Variants in BHLHE22 observed in about 807,000 individuals in gnomAD.
The protein encoded by BHLHE22 is class E basic helix-loop-helix protein 22.
BHLHE22 carries 8 observed loss-of-function variants against 17.6 expected under a neutral mutation model. That is an observed-to-expected ratio of 0.45 (90% CI 0.27 to 0.82). BHLHE22 has a LOEUF of 0.82. Among genes scored for constraint, BHLHE22 ranks in the 40% least tolerant of loss-of-function variants. The pLI is 0.16. For missense variants in BHLHE22, 570 were observed against 581.5 expected (o/e 0.98, Z 0.20); for synonymous variants, 353 against 282.7 (o/e 1.25, Z -2.49).
Position 64,583,594 on chromosome 8 carries a change from CAG to C in BHLHE22, c.*1660_*1661del, listed in dbSNP as rs751719843. 3.1e-4 allele frequency: 51 copies of C among 167,106 alleles called. No individual in the cohort carries two copies. The highest frequency in any genetic ancestry group is 5.0e-4 in the Non-Finnish European group (34 of 68,094). The allele number at this position is 167,106 out of a possible 1,614,324, so 10.4% of individuals were successfully genotyped here. ...CGACCATTTGTATGTGTATCTATGT[CAG>C]AAAGAATCTTTATTAAAATATTTTG... On this transcript the variant is annotated 3_prime_UTR_variant, in exon 1 of 1. Transcript: ENST00000321870.
chr8:64,581,439 GGCGGTA>G lies in BHLHE22; in HGVS notation c.660_665del (p.Ser223_Gly224del), dbSNP rs748656496. The G allele has an allele frequency of 3.8e-4, 555 of 1,445,690 alleles. 1 individual carries two copies. In the Middle Eastern group the frequency reaches 3.9e-3, roughly 10 times the overall value. The allele number at this position is 1,445,690 out of a possible 1,614,324, so 89.6% of individuals were successfully genotyped here. A position where few individuals can be genotyped will look rare whatever the true frequency, so the allele number is the denominator to read the frequency against. ...CAGCAGCGGTAGCAGTGGCGGCGGT[GGCGGTA>G]GCGGTAGCGGCAGCGGCGGCAGCAG... On this transcript the variant is annotated inframe_deletion, in exon 1 of 1. Transcript: ENST00000321870. This position sits in a 1 kb window ranked among gnomAD's most constrained non-coding sequence, Gnocchi z 6.4.
Position 64,582,806 on chromosome 8 carries a change from C to T in BHLHE22, c.*870C>T, listed in dbSNP as rs1234455020. ...TTATGTGCAGATTTTTTTAATGCCT[C>T]TAAAATTGTTTTATAGATTACTTAT... is the stretch of plus-strand genomic sequence containing the variant. On this transcript the variant is annotated 3_prime_UTR_variant, in exon 1 of 1. Transcript: ENST00000321870. The T allele has an allele frequency of 1.2e-5, 2 of 166,896 alleles. No individual in the cohort carries two copies. Among genetic ancestry groups the T allele is most frequent in the African/African-American group, 4.8e-5 (2 of 41,394 alleles). 10.3% of individuals were successfully genotyped at this position (166,896 alleles called of 1,614,324 possible).
Position 64,581,868 on chromosome 8 carries a change from C to T in BHLHE22, c.1078C>T (p.Pro360Ser). 6.2e-7 allele frequency: 1 copy of T among 1,609,182 alleles called. No individual in the cohort carries two copies. Among genetic ancestry groups the T allele is most frequent in the Non-Finnish European group, 8.5e-7 (1 of 1,179,542 alleles). The part of the protein sequence containing the change: ...SAGLPPAASC[P>S]EKCALFNSVS... The stretch of plus-strand genomic sequence containing the variant: ...CGGACTGCCCCCGGCTGCCTCCTGC[C>T]CGGAGAAGTGCGCCCTGTTTAACAG... Residue 360 changes from proline (P) to serine (S), a missense_variant, in exon 1 of 1, where the codon CCG (proline) becomes TCG (serine). By Grantham distance (74) the Pro-to-Ser change is moderately conservative (BLOSUM62 -1). Transcript: ENST00000321870. This position sits in a 1 kb window ranked among gnomAD's most constrained non-coding sequence, Gnocchi z 6.4.
rs1034731598 is a variant in BHLHE22, at chr8:64,581,011, G to C, written c.221G>C (p.Gly74Ala). 5 of 1,331,364 alleles carry C rather than the reference G, an allele frequency of 3.8e-6. No individual in the cohort carries two copies. The highest frequency in any genetic ancestry group is 4.0e-5 in the Admixed American group (1 of 25,066). The allele number at this position is 1,331,364 out of a possible 1,614,324, so 82.5% of individuals were successfully genotyped here. ...GAGCCGGCTGACCCCGAGGGGGCAG[G>C]GCTGCTGTTGCCGCCGCCTGGAGGA... is the stretch of plus-strand genomic sequence containing the variant. ...CFEPADPEGAGLLLPPPGGGG... is the reference protein window; with the variant it reads ...CFEPADPEGAALLLPPPGGGG... Residue 74 changes from glycine to alanine, a missense_variant, in exon 1 of 1, where the codon GGG (glycine) becomes GCG (alanine). By Grantham distance (60) the Gly-to-Ala change is moderately conservative (BLOSUM62 0). Coordinates refer to ENST00000321870, the MANE Select transcript of BHLHE22 (RefSeq NM_152414.5). The surrounding 1 kb of genome is among the most constrained non-coding windows in gnomAD (Gnocchi z 6.4).
At position 64,581,060 on chromosome 8, in the gene BHLHE22, T is replaced by TGGC. The variant is rs544639534; in HGVS notation, c.288_290dup (p.Gly97dup). The stretch of plus-strand genomic sequence containing the variant: ...GAGGCGGCGGCGGCAGCGCGGGAAG[T>TGGC]GGCGGCGGCGGCGGCGGCGGGGTGG... On this transcript the variant is annotated inframe_insertion, in exon 1 of 1. Transcript: ENST00000321870. This position sits in a 1 kb window ranked among gnomAD's most constrained non-coding sequence, Gnocchi z 6.4. 0.11 allele frequency: 143,001 copies of TGGC among 1,315,310 alleles called. 7,029 individuals are homozygous for TGGC. The highest frequency in any genetic ancestry group is 0.17 in the African/African-American group (10,991 of 62,852). 81.5% of individuals were successfully genotyped at this position (1,315,310 alleles called of 1,614,324 possible).
Position 64,581,810 on chromosome 8 carries a change from C to T in BHLHE22, c.1020C>T (p.Ala340=). Residue 340 remains alanine, a synonymous_variant, in exon 1 of 1, where the codon GCC becomes GCT. Coordinates refer to ENST00000321870, the MANE Select transcript of BHLHE22 (RefSeq NM_152414.5). The surrounding 1 kb of genome is among the most constrained non-coding windows in gnomAD (Gnocchi z 6.4). Reference sequence around the variant, plus strand: ...CTGCCCTGCACCCGGCGCTCGGCGCCTACGAGCAGGCAGCCGGCTACCCGT... The same window carrying T: ...CTGCCCTGCACCCGGCGCTCGGCGCTTACGAGCAGGCAGCCGGCTACCCGT... ...AAAALHPALG[A]YEQAAGYPFS... The T allele has an allele frequency of 6.3e-7, 1 of 1,596,408 alleles. No homozygotes were observed. Among genetic ancestry groups the T allele is most frequent in the Non-Finnish European group, 8.5e-7 (1 of 1,174,928 alleles).
rs749889269 is a variant in BHLHE22 at position 64,580,997 on chromosome 8, C to A, written c.207C>A (p.Asp69Glu). The A allele has an allele frequency of 4.5e-5, 61 of 1,344,632 alleles. No individual in the cohort carries two copies. The highest frequency in any genetic ancestry group is 5.4e-5 in the Non-Finnish European group (57 of 1,054,996). 83.3% of individuals were successfully genotyped at this position (1,344,632 alleles called of 1,614,324 possible). The change falls in exon 1 of 1, where the codon GAC (aspartate) becomes GAA (glutamate). Residue 69 changes from aspartate (D) to glutamate (E), a missense_variant. Asp to Glu is a conservative substitution (Grantham distance 45). This residue lies in a region of BHLHE22 where 427 missense variants were observed against 376.2 expected (regional missense o/e 1.14). Transcript: ENST00000321870. Reference protein sequence around the residue: ...SSPLGCFEPADPEGAGLLLPP... With the variant: ...SSPLGCFEPAEPEGAGLLLPP... Reference sequence around the variant, plus strand: ...CCCTGGGCTGCTTCGAGCCGGCTGACCCCGAGGGGGCAGGGCTGCTGTTGC... The same window carrying A: ...CCCTGGGCTGCTTCGAGCCGGCTGAACCCGAGGGGGCAGGGCTGCTGTTGC...
At position 64,581,002 on chromosome 8, in the gene BHLHE22, AG is replaced by A; in HGVS notation, c.217del (p.Ala73GlnfsTer32). 1 of 1,334,098 alleles carries A rather than the reference AG, an allele frequency of 7.5e-7. No homozygotes were observed. Among genetic ancestry groups the A allele is most frequent in the Non-Finnish European group, 9.5e-7 (1 of 1,049,898 alleles). 82.6% of individuals were successfully genotyped at this position (1,334,098 alleles called of 1,614,324 possible). ...PLGCFEPADPEGAGLLLPPPG... is the reference protein window; with the variant it reads ...PLGCFEPADPXGAGLLLPPPG... ...GGCTGCTTCGAGCCGGCTGACCCCG[AG>A]GGGGCAGGGCTGCTGTTGCCGCCGC... On this transcript the variant is annotated frameshift_variant, in exon 1 of 1. Transcript: ENST00000321870. LOFTEE classifies it high-confidence loss of function. The surrounding 1 kb of genome is among the most constrained non-coding windows in gnomAD (Gnocchi z 6.4).
Position 64,581,855 on chromosome 8 carries a change from G to A in BHLHE22, c.1065G>A (p.Pro355=), listed in dbSNP as rs937001665. The change falls in exon 1 of 1, where the codon CCG becomes CCA. Residue 355 remains proline, a synonymous_variant. Transcript: ENST00000321870. This position sits in a 1 kb window ranked among gnomAD's most constrained non-coding sequence, Gnocchi z 6.4. Reference sequence around the variant, plus strand: ...ACCCGTTCAGCGCCGGACTGCCCCCGGCTGCCTCCTGCCCGGAGAAGTGCG... The same window carrying A: ...ACCCGTTCAGCGCCGGACTGCCCCCAGCTGCCTCCTGCCCGGAGAAGTGCG... ...AGYPFSAGLP[P]AASCPEKCAL... The A allele has an allele frequency of 3.7e-6, 6 of 1,607,866 alleles. No individual in the cohort carries two copies. In the Admixed American group the frequency reaches 5.0e-5, roughly 13 times the overall value.
Position 64,581,681 on chromosome 8 carries a change from G to T in BHLHE22, c.891G>T (p.Ala297=). The change falls in exon 1 of 1, where the codon GCG becomes GCT. Residue 297 remains alanine, a synonymous_variant. Transcript: ENST00000321870. This position sits in a 1 kb window ranked among gnomAD's most constrained non-coding sequence, Gnocchi z 6.4. ...CCAAGAACTACATCCTCATGCAGGC[G>T]CAGGCCCTGGAGGAGATGCGGCGCC... The part of the protein sequence containing the change: ...LLAKNYILMQ[A]QALEEMRRLV... The T allele has an allele frequency of 6.2e-7, 1 of 1,611,432 alleles. No individual in the cohort carries two copies. The highest frequency in any genetic ancestry group is 8.5e-7 in the Non-Finnish European group (1 of 1,179,274).
rs544639534 is a variant in BHLHE22 at position 64,581,060 on chromosome 8, TGGCGGCGGC to T, written c.282_290del (p.Gly95_Gly97del). 1.3e-5 allele frequency: 17 copies of T among 1,315,538 alleles called. No individual in the cohort carries two copies. Among genetic ancestry groups the T allele is most frequent in the East Asian group, 1.3e-4 (4 of 31,982 alleles). The allele number at this position is 1,315,538 out of a possible 1,614,324, so 81.5% of individuals were successfully genotyped here. On this transcript the variant is annotated inframe_deletion, in exon 1 of 1. Transcript: ENST00000321870. This position sits in a 1 kb window ranked among gnomAD's most constrained non-coding sequence, Gnocchi z 6.4. ...GAGGCGGCGGCGGCAGCGCGGGAAG[TGGCGGCGGC>T]GGCGGCGGCGGGGTGGGTGTCCCCG... is the stretch of plus-strand genomic sequence containing the variant.
In BHLHE22 at chr8:64,581,457, A is replaced by C; in HGVS notation, c.667A>C (p.Ser223Arg). ...SGGGGGSGSG[S>R]GGSSSSSSSS... ...CGGCGGTGGCGGTAGCGGTAGCGGC[A>C]GCGGCGGCAGCAGCAGCAGCAGCAG... Residue 223 changes from serine to arginine, a missense_variant, in exon 1 of 1, where the codon AGC (serine) becomes CGC (arginine). Ser to Arg is a moderately radical substitution (Grantham distance 110, BLOSUM62 -1). Coordinates refer to ENST00000321870, the MANE Select transcript of BHLHE22 (RefSeq NM_152414.5). This position sits in a 1 kb window ranked among gnomAD's most constrained non-coding sequence, Gnocchi z 6.4. The C allele has an allele frequency of 6.5e-7, 1 of 1,533,516 alleles. No individual in the cohort carries two copies. Among genetic ancestry groups the C allele is most frequent in the Non-Finnish European group, 8.7e-7 (1 of 1,144,056 alleles). 95.0% of individuals were successfully genotyped at this position (1,533,516 alleles called of 1,614,324 possible). A position where few individuals can be genotyped will look rare whatever the true frequency, so the allele number is the denominator to read the frequency against.
Position 64,583,479 on chromosome 8 carries a change from G to A in BHLHE22, c.*1543G>A, listed in dbSNP as rs1804933391. 6.0e-6 allele frequency: 1 copy of A among 167,024 alleles called. No individual in the cohort carries two copies. Among genetic ancestry groups the A allele is most frequent in the South Asian group, 2.1e-4 (1 of 4,826 alleles). 10.3% of individuals were successfully genotyped at this position (167,024 alleles called of 1,614,324 possible). A position where few individuals can be genotyped will look rare whatever the true frequency, so the allele number is the denominator to read the frequency against. Reference sequence around the variant, plus strand: ...AGTTTGTCAGGTTGGATGGTGAGTTGGGAGCTGTGATGGATCTGTTGGCGG... The same window carrying A: ...AGTTTGTCAGGTTGGATGGTGAGTTAGGAGCTGTGATGGATCTGTTGGCGG... On this transcript the variant is annotated 3_prime_UTR_variant, in exon 1 of 1. Transcript: ENST00000321870.
rs1353217072 is a variant in BHLHE22 at position 64,582,049 on chromosome 8, C to T, written c.*113C>T. ...AGTTGTGAAACACTTGCAGAGCAAA[C>T]AAAGCAGAGGCAAGAACTGAGGAGA... On this transcript the variant is annotated 3_prime_UTR_variant, in exon 1 of 1. Coordinates refer to ENST00000321870, the MANE Select transcript of BHLHE22 (RefSeq NM_152414.5). 10 of 1,286,088 alleles carry T rather than the reference C, an allele frequency of 7.8e-6. No homozygotes were observed. The highest frequency in any genetic ancestry group is 1.1e-5 in the Non-Finnish European group (10 of 932,610). The allele number at this position is 1,286,088 out of a possible 1,614,324, so 79.7% of individuals were successfully genotyped here.
chr8:64,580,949 C>T lies in BHLHE22; in HGVS notation c.159C>T (p.Arg53=), dbSNP rs1282911754. 1 of 1,459,070 alleles carries T rather than the reference C, an allele frequency of 6.9e-7. No homozygotes were observed. The highest frequency in any genetic ancestry group is 1.4e-5 in the South Asian group (1 of 69,968). The allele number at this position is 1,459,070 out of a possible 1,614,324, so 90.4% of individuals were successfully genotyped here. ...DLSLAPPPRE[R]PASSSSSPLG... is the part of the protein sequence containing the mutation. ...CCCTGGCGCCGCCGCCTCGGGAACG[C>T]CCGGCGTCCTCCTCCTCGTCGCCCC... The change falls in exon 1 of 1, where the codon CGC becomes CGT. Residue 53 remains arginine (R), a synonymous_variant. Coordinates refer to ENST00000321870, the MANE Select transcript of BHLHE22 (RefSeq NM_152414.5).
chr8:64,582,010 T>A lies in BHLHE22; in HGVS notation c.*74T>A. On this transcript the variant is annotated 3_prime_UTR_variant, in exon 1 of 1. Coordinates refer to ENST00000321870, the MANE Select transcript of BHLHE22 (RefSeq NM_152414.5). ...AAAAGCTGCTCCCCACCCCCTTTAT[T>A]TTGGTCCTCTCGTAGTTGTGAAACA... 6.6e-7 allele frequency: 1 copy of A among 1,519,294 alleles called. No individual in the cohort carries two copies. Among genetic ancestry groups the A allele is most frequent in the Non-Finnish European group, 8.9e-7 (1 of 1,127,382 alleles). 94.1% of individuals were successfully genotyped at this position (1,519,294 alleles called of 1,614,324 possible). A position where few individuals can be genotyped will look rare whatever the true frequency, so the allele number is the denominator to read the frequency against.
Position 64,581,078 on chromosome 8 carries a change from CG to C in BHLHE22, c.292del (p.Val98TrpfsTer7). 1.5e-6 allele frequency: 2 copies of C among 1,317,098 alleles called. No homozygotes were observed. Among genetic ancestry groups the C allele is most frequent in the Non-Finnish European group, 1.9e-6 (2 of 1,042,700 alleles). 81.6% of individuals were successfully genotyped at this position (1,317,098 alleles called of 1,614,324 possible). On this transcript the variant is annotated frameshift_variant, in exon 1 of 1. Coordinates refer to ENST00000321870, the MANE Select transcript of BHLHE22 (RefSeq NM_152414.5). LOFTEE classifies it high-confidence loss of function. The surrounding 1 kb of genome is among the most constrained non-coding windows in gnomAD (Gnocchi z 6.4). ...SAGSGGGGGG[G>X]VGVPGLLVGS... ...CGGGAAGTGGCGGCGGCGGCGGCGG[CG>C]GGGTGGGTGTCCCCGGGCTGCTAGT...
chr8:64,581,410 G>T lies in BHLHE22; in HGVS notation c.620G>T (p.Gly207Val), dbSNP rs557592166. The T allele has an allele frequency of 6.5e-7, 1 of 1,531,496 alleles. No individual in the cohort carries two copies. Among genetic ancestry groups the T allele is most frequent in the South Asian group, 1.2e-5 (1 of 83,752 alleles). 94.9% of individuals were successfully genotyped at this position (1,531,496 alleles called of 1,614,324 possible). The part of the protein sequence containing the change: ...PGGLGGGGGG[G>V]SSSGSSGGGG... ...GGCCTGGGCGGCGGCGGCGGCGGGGGTAGCAGCAGCGGTAGCAGTGGCGGC... is the reference window on the plus strand; with the variant it reads ...GGCCTGGGCGGCGGCGGCGGCGGGGTTAGCAGCAGCGGTAGCAGTGGCGGC... The change falls in exon 1 of 1, where the codon GGT becomes GTT. Residue 207 changes from glycine to valine, a missense_variant. Coordinates refer to ENST00000321870, the MANE Select transcript of BHLHE22 (RefSeq NM_152414.5). The surrounding 1 kb of genome is among the most constrained non-coding windows in gnomAD (Gnocchi z 6.4).
Position 64,581,271 on chromosome 8 carries a change from C to A in BHLHE22, c.481C>A (p.Arg161=). ...CGACGGTCGCTGCGAGCTCGTGCTG[C>A]GGGCCGGAGTAGCCGACCCGCGGGC... ...DSDGRCELVL[R]AGVADPRASP... is the part of the protein sequence containing the mutation. Residue 161 remains arginine, a synonymous_variant, in exon 1 of 1, where the codon CGG becomes AGG. Coordinates refer to ENST00000321870, the MANE Select transcript of BHLHE22 (RefSeq NM_152414.5). This position sits in a 1 kb window ranked among gnomAD's most constrained non-coding sequence, Gnocchi z 6.4. 1 of 1,442,508 alleles carries A rather than the reference C, an allele frequency of 6.9e-7. No individual in the cohort carries two copies. Among genetic ancestry groups the A allele is most frequent in the Admixed American group, 2.9e-5 (1 of 34,128 alleles). The allele number at this position is 1,442,508 out of a possible 1,614,324, so 89.4% of individuals were successfully genotyped here.
Sources: gnomAD v4.1 joint callset for allele counts on GRCh38, gnomAD v4.1.1 for gene constraint, gnomAD v4.1.1 regional missense constraint, Gnocchi (gnomAD v3.1) non-coding constraint, MANE v1.5 for transcripts, NCBI Gene and HGNC (gene_info 2026-07-23, HGNC 2026-07-21) for gene names.